Variants in CPB2 observed in about 807,000 individuals in gnomAD.
CPB2 encodes the protein carboxypeptidase B2.
A neutral mutation model predicts 57.0 loss-of-function variants in CPB2; 54 were observed. The ratio of observed to expected loss-of-function variants is 0.95; its 90% CI spans 0.76 to 1.19. The LOEUF (loss-of-function observed/expected upper bound fraction) is 1.19, where lower values mean the gene tolerates loss of function less well. CPB2 is among the 50% of genes most tolerant of loss of function. CPB2 has a pLI of 0.00. For missense variants in CPB2, 426 were observed against 512.0 expected (o/e 0.83, Z 1.62); for synonymous variants, 189 against 178.1 (o/e 1.06, Z -0.49).
intron 7 of CPB2, among the ~76,000 whole-genome samples, chr13:46,066,106 T>C (rs972449977): frequency 2.0e-5 from 3 of 151,490 alleles, no homozygotes; most frequent in African/African-American, 7.3e-5. Flanking sequence ...TCTGCATAAA[T>C]TACCTCCTAC....
At chr13:46,065,348 C>T (rs566139011) in intron 7 of CPB2, among the ~76,000 whole-genome samples, 1 of 152,028 alleles carries the variant, frequency 6.6e-6, no homozygotes, top group African/African-American at 2.4e-5. Context: ...TTGCACAGGC[C>T]GGGCGCGGTG....
chr13:46,083,566 T>A (rs1374979291), intron 3 of CPB2, among the ~76,000 whole-genome samples: 1 of 152,016 alleles, frequency 6.6e-6, no homozygotes, highest in African/African-American at 2.4e-5. Context: ...GGAGGGGAGA[T>A]ATTAGGAGAC....
At chr13:46,079,848 G>A (rs887978239) in intron 4 of CPB2, among the ~76,000 whole-genome samples, 9 of 152,190 alleles carry the variant, frequency 5.9e-5, no homozygotes, top group African/African-American at 2.2e-4. Flanking sequence ...ACCAGCATGA[G>A]TGGTAGGTGT....
chr13:46,058,653 C>T (rs952563991), intron 8 of CPB2, among the ~76,000 whole-genome samples: 1 of 152,182 alleles, frequency 6.6e-6, no homozygotes, highest in African/African-American at 2.4e-5. Flanking sequence ...CTCAGAGATG[C>T]CAGCCCTGTC....
intron 7 of CPB2, among the ~76,000 whole-genome samples, chr13:46,066,484 A>G (rs781264815): frequency 6.6e-6 from 1 of 152,212 alleles, no homozygotes; most frequent in East Asian, 1.9e-4. Flanking sequence ...ATAGAATTAA[A>G]AGACATATAA....
At chr13:46,089,431 C>T (rs776047612) in intron 1 of CPB2, among the ~76,000 whole-genome samples, 8 of 152,090 alleles carry the variant, frequency 5.3e-5, no homozygotes, top group African/African-American at 1.4e-4. Context: ...TTCATGTGCA[C>T]GTGCCCCCTC....
intron 1 of CPB2, among the ~76,000 whole-genome samples, chr13:46,097,992 G>A (rs2045389171): frequency 6.6e-6 from 1 of 152,170 alleles, no homozygotes; most frequent in Non-Finnish European, 1.5e-5. Flanking sequence ...AGTTACCATG[G>A]GTTTTCTAGC....
intron 9 of CPB2, among the ~76,000 whole-genome samples, chr13:46,057,138 G>A (rs2044708287): frequency 6.6e-6 from 1 of 151,318 alleles, no homozygotes; most frequent in African/African-American, 2.4e-5. Context: ...ACATATATGT[G>A]TGCTGGCAGT....
intron 1 of CPB2, chr13:46,098,833 C>A (rs113580628): frequency 1.3e-5 from 2 of 152,254 alleles, no homozygotes; most frequent in Non-Finnish European, 2.9e-5. Context: ...TCTGCCCAAG[C>A]CTTCTTCCTT....
chr13:46,081,315 G>A (rs978501633), intron 4 of CPB2, among the ~76,000 whole-genome samples: 3 of 152,072 alleles, frequency 2.0e-5, no homozygotes, highest in African/African-American at 2.4e-5. Context: ...TTCTGTTTAT[G>A]GCATTCCCCT....
Position 46,073,436 on chromosome 13 carries a change from TTC to T in CPB2, c.591+435_591+436del, listed in dbSNP as rs531681714. The T allele has an allele frequency of 3.2e-4, 305 of 965,668 alleles. 1 individual carries two copies. In the African/African-American group the frequency reaches 5.1e-3, roughly 16 times the overall value. 59.8% of individuals were successfully genotyped at this position (965,668 alleles called of 1,614,324 possible). A position where few individuals can be genotyped will look rare whatever the true frequency, so the allele number is the denominator to read the frequency against. Reference sequence around the variant, plus strand: ...CTATTATGACATATGAGAAAACATATTCTGTTTCACCTCTGTAATGTTGTGCT... The same window carrying T: ...CTATTATGACATATGAGAAAACATATTGTTTCACCTCTGTAATGTTGTGCT... On this transcript the variant is annotated intron_variant, in intron 6 of 10. Coordinates refer to ENST00000181383, the MANE Select transcript of CPB2 (RefSeq NM_001872.5).
Position 46,073,893 on chromosome 13 carries a change from A to G in CPB2, c.571T>C (p.Cys191Arg). The G allele has an allele frequency of 1.3e-6, 2 of 1,571,380 alleles. No individual in the cohort carries two copies. The highest frequency in any genetic ancestry group is 1.7e-6 in the Non-Finnish European group (2 of 1,147,844). Residue 191 changes from cysteine to arginine, a missense_variant, in exon 6 of 11, where the codon TGC becomes CGC. By Grantham distance (180) the Cys-to-Arg change is radical (BLOSUM62 -3). Coordinates refer to ENST00000181383, the MANE Select transcript of CPB2 (RefSeq NM_001872.5). ...CTTACATGGCCTATGAACCACAAGC[A>G]GAAAGCAGGAGAGATCCATTCTCTG... ...HAREWISPAF[C>R]LWFIGHITQF... is the part of the protein sequence containing the mutation.
At chr13:46,077,840 A>C (rs560372713) in intron 5 of CPB2, among the ~76,000 whole-genome samples, 1 of 152,288 alleles carries the variant, frequency 6.6e-6, no homozygotes, top group South Asian at 2.1e-4. Flanking sequence ...CTATGTAGGG[A>C]AAGACAAATA....
At chr13:46,098,270 T>G (rs190846476) in intron 1 of CPB2, 1 of 152,270 alleles carries the variant, frequency 6.6e-6, no homozygotes, top group Admixed American at 6.5e-5. Context: ...AAAGGGCACC[T>G]CTTTGGGGAA....
chr13:46,069,143 C>T (rs550759050), intron 6 of CPB2, among the ~76,000 whole-genome samples: 155 of 152,212 alleles, frequency 1.0e-3, no homozygotes, highest in African/African-American at 3.5e-3. Context: ...AAAAGTTATG[C>T]TCTGAGAGAT....
intron 1 of CPB2, among the ~76,000 whole-genome samples, chr13:46,092,384 C>A (rs965987981): frequency 1.3e-5 from 2 of 152,078 alleles, no homozygotes; most frequent in African/African-American, 4.8e-5. Flanking sequence ...ATGTTGATTT[C>A]TCAGTTTTTA....
At chr13:46,087,971 T>C (rs1327497773) in intron 1 of CPB2, 151 bp from the exon 2 acceptor site, 1 of 581,214 alleles carries the variant, frequency 1.7e-6, no homozygotes. Flanking sequence ...TTCAGTGTAA[T>C]AAGAGAACAT....
At chr13:46,058,147 G>C in intron 9 of CPB2, 32 bp downstream of exon 9, 1 of 1,575,192 alleles carries the variant, frequency 6.3e-7, no homozygotes, top group Non-Finnish European at 8.7e-7. Context: ...TTTCCAAAAT[G>C]CTAATGAGAA....
At chr13:46,081,405 C>T (rs142898055) in intron 4 of CPB2, among the ~76,000 whole-genome samples, 439 of 152,200 alleles carry the variant, frequency 2.9e-3, no homozygotes, top group African/African-American at 0.01. Context: ...CTCTCTGCAT[C>T]AAGTTTGCTC....
Sources: gnomAD v4.1 joint callset for allele counts (sites outside exome capture counted in the v4.1 genomes callset) on GRCh38, gnomAD v4.1.1 for gene constraint, MANE v1.5 for transcripts, NCBI Gene and HGNC (gene_info 2026-07-23, HGNC 2026-07-21) for gene names.